Variants in PTPRE observed in about 807,000 individuals in gnomAD.
PTPRE encodes the protein receptor-type tyrosine-protein phosphatase epsilon.
A neutral mutation model predicts 102.0 loss-of-function variants in PTPRE; 51 were observed. The ratio of observed to expected loss-of-function variants is 0.50; its 90% CI spans 0.40 to 0.63. PTPRE has a LOEUF of 0.63. PTPRE is among the 30% of genes least tolerant of loss of function. PTPRE has a pLI of 0.00. For synonymous variants in PTPRE, 345 were observed against 348.2 expected, an observed-to-expected ratio of 0.99 and a Z score of 0.10; for missense variants, 752 against 915.1, an observed-to-expected ratio of 0.82 and a Z score of 2.30.
At chr10:128,039,315 A>G (rs1309591449) in intron 2 of PTPRE, among the ~76,000 whole-genome samples, 1 of 152,110 alleles carries the variant, frequency 6.6e-6, no homozygotes, top group African/African-American at 2.4e-5. Flanking sequence ...CTCCAGCCTG[A>G]CTTTGGGCCA....
intron 1 of PTPRE, among the ~76,000 whole-genome samples, chr10:127,915,398 G>A (rs1163205022): frequency 1.3e-5 from 2 of 152,194 alleles, no homozygotes; most frequent in African/African-American, 4.8e-5. Flanking sequence ...CTCTGAACCA[G>A]TAACCTCGTC....
At chr10:128,063,015 C>T (rs867683104) in intron 9 of PTPRE, 68 bp from the exon 10 acceptor site, 4 of 1,597,110 alleles carry the variant, frequency 2.5e-6, no homozygotes, top group South Asian at 2.2e-5. Context: ...GGCCAGGGTG[C>T]CGGGGCTGGG....
Position 128,085,018 on chromosome 10 carries a change from A to G in PTPRE, c.*2112A>G, listed in dbSNP as rs1851992794. The G allele has an allele frequency of 2.3e-6, 1 of 443,600 alleles. No homozygotes were observed. Among genetic ancestry groups the G allele is most frequent in the Non-Finnish European group, 4.5e-6 (1 of 220,562 alleles). The allele number at this position is 443,600 out of a possible 1,614,324, so 27.5% of individuals were successfully genotyped here. Reference sequence around the variant, plus strand: ...GTTTTTTTCCTGTCCCCTTAGACCAACCCCAGGTGTCCACTGCAGGGGTTC... The same window carrying G: ...GTTTTTTTCCTGTCCCCTTAGACCAGCCCCAGGTGTCCACTGCAGGGGTTC... On this transcript the variant is annotated 3_prime_UTR_variant, in exon 21 of 21. Transcript: ENST00000254667.
chr10:127,949,132 C>T (rs189544847), intron 1 of PTPRE, among the ~76,000 whole-genome samples: 94 of 152,340 alleles, frequency 6.2e-4, no homozygotes, highest in Admixed American at 2.7e-3. Flanking sequence ...CCAACACCTT[C>T]GCTGGTTCTG....
At chr10:128,071,275 C>A in intron 15 of PTPRE, 1 of 287,998 alleles carries the variant, frequency 3.5e-6, no homozygotes, top group Non-Finnish European at 6.7e-6. Flanking sequence ...AGAGGCCCGC[C>A]TCCCCCTTAC....
chr10:127,948,024 C>G (rs1848748684), intron 1 of PTPRE, among the ~76,000 whole-genome samples: 1 of 152,152 alleles, frequency 6.6e-6, no homozygotes, highest in Non-Finnish European at 1.5e-5. Flanking sequence ...GAAGGATGCC[C>G]CATGCCATGC....
In PTPRE at chr10:127,993,295, C is replaced by A. The variant is rs115575896; in HGVS notation, c.-8+10999C>A. On this transcript the variant is annotated intron_variant, in intron 2 of 20. Coordinates refer to ENST00000254667, the MANE Select transcript of PTPRE (RefSeq NM_006504.6). Reference sequence around the variant, plus strand: ...AAGTTCGGAGAATGGCCTGACAATTCGCGCTATCAGAGAGTGCATGTTTTC... The same window carrying A: ...AAGTTCGGAGAATGGCCTGACAATTAGCGCTATCAGAGAGTGCATGTTTTC... Among the ~76,000 whole-genome samples the A allele has an allele frequency of 9.2e-3, 1,396 of 152,312 alleles. 29 individuals are homozygous for A. Among genetic ancestry groups the A allele is most frequent in the African/African-American group, 0.032 (1,337 of 41,550 alleles).
intron 3 of PTPRE, among the ~76,000 whole-genome samples, chr10:128,042,914 T>C (rs1253472212): frequency 6.6e-6 from 1 of 152,244 alleles, no homozygotes; most frequent in East Asian, 1.9e-4. Context: ...TATCTAATTA[T>C]GTTTCACTAA....
At chr10:128,051,224 C>T (rs1848540284) in intron 6 of PTPRE, among the ~76,000 whole-genome samples, 1 of 152,152 alleles carries the variant, frequency 6.6e-6, no homozygotes, top group Non-Finnish European at 1.5e-5. Flanking sequence ...TGAGTCAGAA[C>T]CAGCTCAAAA....
intron 1 of PTPRE, among the ~76,000 whole-genome samples, chr10:127,930,332 T>G (rs1409234011): frequency 1.3e-5 from 2 of 152,184 alleles, no homozygotes; most frequent in African/African-American, 4.8e-5. Flanking sequence ...TTCTCTATCT[T>G]TGTAATTTTG....
chr10:127,976,091 T>C (rs2135442672), intron 1 of PTPRE, among the ~76,000 whole-genome samples: 1 of 152,224 alleles, frequency 6.6e-6, no homozygotes, highest in East Asian at 1.9e-4. Flanking sequence ...CGTCCATCCC[T>C]GTCCTCAAAC....
chr10:128,030,891 A>G (rs1001711441), intron 2 of PTPRE, among the ~76,000 whole-genome samples: 1 of 152,096 alleles, frequency 6.6e-6, no homozygotes, highest in Non-Finnish European at 1.5e-5. Context: ...ACCCCTCTAG[A>G]CAGGGGCAGG....
At chr10:127,961,628 C>T (rs747716) in intron 1 of PTPRE, among the ~76,000 whole-genome samples, 19,126 of 147,266 alleles carry the variant, frequency 0.13, 1,359 homozygotes, top group Admixed American at 0.18. Context: ...TGTGCATAAG[C>T]GCTCCACCCC....
intron 5 of PTPRE, among the ~76,000 whole-genome samples, chr10:128,048,198 A>G (rs1848258171): frequency 6.6e-6 from 1 of 152,180 alleles, no homozygotes; most frequent in Non-Finnish European, 1.5e-5. Flanking sequence ...CTGGGTTTGT[A>G]CTGCTTTAGG....
At chr10:127,914,896 C>T (rs978883473) in intron 1 of PTPRE, among the ~76,000 whole-genome samples, 4 of 152,198 alleles carry the variant, frequency 2.6e-5, no homozygotes, top group Admixed American at 6.5e-5. Flanking sequence ...ACAGGGGTGG[C>T]ATATCCTCAT....
chr10:128,012,952 T>C (rs1171038338), intron 2 of PTPRE, among the ~76,000 whole-genome samples: 3 of 152,326 alleles, frequency 2.0e-5, no homozygotes, highest in African/African-American at 7.2e-5. Flanking sequence ...TTTCTATTAC[T>C]GGCTCTTGGT....
intron 2 of PTPRE, among the ~76,000 whole-genome samples, chr10:127,991,659 T>C (rs550324881): frequency 8.5e-5 from 13 of 152,326 alleles, no homozygotes; most frequent in African/African-American, 2.4e-4. Context: ...TCCAATCCAT[T>C]TGGGAAGTCG....
chr10:128,033,689 G>A (rs1473710041), intron 2 of PTPRE, among the ~76,000 whole-genome samples: 2 of 152,202 alleles, frequency 1.3e-5, no homozygotes, highest in African/African-American at 2.4e-5. Flanking sequence ...CTGTCACCCA[G>A]GCTAGAGTGC....
chr10:128,063,893 T>C (rs746893104), intron 10 of PTPRE, among the ~76,000 whole-genome samples: 2 of 152,070 alleles, frequency 1.3e-5, no homozygotes, highest in Non-Finnish European at 2.9e-5. Flanking sequence ...GAGCTCACTC[T>C]CCAGAATGAA....
Sources: allele counts gnomAD v4.1 joint callset (sites outside exome capture counted in the v4.1 genomes callset), GRCh38; gene constraint gnomAD v4.1.1; transcripts MANE v1.5; gene names NCBI Gene and HGNC (gene_info 2026-07-23, HGNC 2026-07-21).